SUGCT: variants seen among roughly 807,000 people sequenced by gnomAD.
SUGCT encodes succinyl-CoA:glutarate-CoA transferase.
SUGCT carries 41 observed loss-of-function variants against 55.0 expected under a neutral mutation model. The observed-to-expected ratio is 0.74, with a 90% CI of 0.58 to 0.97. SUGCT has a LOEUF of 0.97. Among genes scored for constraint, SUGCT ranks in the 50% least tolerant of loss-of-function variants. The pLI is 0.00. For synonymous variants in SUGCT, 187 were observed against 200.4 expected (o/e 0.93, Z 0.56); for missense variants, 568 against 547.8 (o/e 1.04, Z -0.37).
chr7:40,781,701 G>A (rs1209471683), intron 13 of SUGCT, among the ~76,000 whole-genome samples: 1 of 152,084 alleles, frequency 6.6e-6, no homozygotes, highest in African/African-American at 2.4e-5. Flanking sequence ...GGGGTAACAT[G>A]GGCTAAGTGA....
chr7:40,975,623 C>T, the SUGCT span, among the ~76,000 whole-genome samples: 1 of 152,182 alleles, frequency 6.6e-6, no homozygotes, highest in Non-Finnish European at 1.5e-5. Context: ...CCAGGCATAA[C>T]ATCTGCTTCC....
the SUGCT span, among the ~76,000 whole-genome samples, chr7:41,025,933 T>G: frequency 6.6e-6 from 1 of 152,132 alleles, no homozygotes; most frequent in Non-Finnish European, 1.5e-5. Context: ...ATGTTAACAT[T>G]TGTAAGTCCC....
intron 6 of SUGCT, among the ~76,000 whole-genome samples, chr7:40,213,997 G>T (rs894071850): frequency 6.6e-5 from 10 of 152,064 alleles, no homozygotes; most frequent in Non-Finnish European, 1.3e-4. Context: ...GCCTTGCAAG[G>T]TAGATAGATA....
intron 11 of SUGCT, among the ~76,000 whole-genome samples, chr7:40,471,269 A>G (rs1220644946): frequency 6.6e-6 from 1 of 152,078 alleles, no homozygotes. Context: ...CTGAATGCAC[A>G]CTAACAAGCA....
the SUGCT span, among the ~76,000 whole-genome samples, chr7:40,897,426 G>GACACACAC: frequency 0.013 from 1,946 of 148,866 alleles, 25 homozygotes; most frequent in Admixed American, 0.032. Flanking sequence ...AATAAAGCTG[G>GACACACAC]ACACACACAC....
chr7:40,864,759 C>G (rs1563057199), downstream of SUGCT, among the ~76,000 whole-genome samples: 2 of 151,866 alleles, frequency 1.3e-5, no homozygotes, highest in African/African-American at 2.4e-5. Flanking sequence ...AGCTGCAGAT[C>G]CAAGGACACA....
intron 12 of SUGCT, among the ~76,000 whole-genome samples, chr7:40,562,096 G>A (rs1169006330): frequency 6.7e-6 from 1 of 149,662 alleles, no homozygotes; most frequent in Non-Finnish European, 1.5e-5. Context: ...TCAGGAGATC[G>A]AGACCATCCT....
intron 9 of SUGCT, among the ~76,000 whole-genome samples, chr7:40,404,732 C>A (rs775166758): frequency 3.3e-5 from 5 of 152,168 alleles, no homozygotes; most frequent in Non-Finnish European, 7.4e-5. Flanking sequence ...CCACCATGCT[C>A]AGACTCCACT....
intron 9 of SUGCT, among the ~76,000 whole-genome samples, chr7:40,430,653 A>G (rs1224430076): frequency 6.6e-6 from 1 of 152,154 alleles, no homozygotes; most frequent in Non-Finnish European, 1.5e-5. Context: ...GCTATGCAGA[A>G]TCTTTTAAGT....
chr7:40,153,952 C>A, intron 1 of SUGCT: 1 of 335,922 alleles, frequency 3.0e-6, no homozygotes, highest in South Asian at 3.2e-5. Context: ...CGTCTGTGTA[C>A]ACCTACAACA....
chr7:40,401,631 C>G (rs1786073786), intron 9 of SUGCT, among the ~76,000 whole-genome samples: 3 of 152,178 alleles, frequency 2.0e-5, no homozygotes, highest in African/African-American at 7.2e-5. Context: ...TTCATTTAAT[C>G]TGAAGAGTGA....
At chr7:40,245,402 G>GAC (rs1413299984) in intron 7 of SUGCT, among the ~76,000 whole-genome samples, 1 of 62,816 alleles carries the variant, frequency 1.6e-5, no homozygotes, top group African/African-American at 7.7e-5. Context: ...GTACGTAGTA[G>GAC]ACATATATAT....
the SUGCT span, among the ~76,000 whole-genome samples, chr7:40,897,210 A>G: frequency 3.8e-4 from 58 of 152,314 alleles, no homozygotes; most frequent in African/African-American, 1.2e-3. Flanking sequence ...ATCAACTCAA[A>G]ATGAATTAAA....
chr7:40,583,474 T>A (rs1176501888), intron 12 of SUGCT, among the ~76,000 whole-genome samples: 1 of 152,188 alleles, frequency 6.6e-6, no homozygotes, highest in Non-Finnish European at 1.5e-5. Context: ...AGTTTAAATA[T>A]GTCTTCCCTG....
intron 9 of SUGCT, among the ~76,000 whole-genome samples, chr7:40,403,627 C>CTTG (rs759327387): frequency 2.0e-4 from 31 of 152,246 alleles, no homozygotes; most frequent in Non-Finnish European, 3.4e-4. Flanking sequence ...ATAACCCAAA[C>CTTG]CTGTCAATGT....
intron 4 of SUGCT, 37 bp from the exon 5 acceptor site, chr7:40,189,507 C>G: frequency 2.6e-6 from 2 of 762,360 alleles, no homozygotes; most frequent in Non-Finnish European, 3.5e-6. Context: ...TTTTGGTCAT[C>G]GAAATAATAT....
chr7:40,864,018 G>A (rs1176074765), downstream of SUGCT, among the ~76,000 whole-genome samples: 1 of 152,114 alleles, frequency 6.6e-6, no homozygotes, highest in African/African-American at 2.4e-5. Flanking sequence ...AGTTTTCTCA[G>A]GCATGAAGTA....
At chr7:40,992,419 C>T in the SUGCT span, among the ~76,000 whole-genome samples, 13 of 152,134 alleles carry the variant, frequency 8.5e-5, no homozygotes, top group Non-Finnish European at 1.6e-4. Context: ...AAGGTCTTTA[C>T]GACCTGTATT....
chr7:40,828,830 C>A (rs1792499924), intron 13 of SUGCT, among the ~76,000 whole-genome samples: 1 of 152,096 alleles, frequency 6.6e-6, no homozygotes, highest in Non-Finnish European at 1.5e-5. Context: ...ACACACCAGG[C>A]ACTGTTCTCA....
Sources: gnomAD v4.1 joint callset for allele counts (sites outside exome capture counted in the v4.1 genomes callset) on GRCh38, gnomAD v4.1.1 for gene constraint, MANE v1.5 for transcripts, NCBI Gene and HGNC (gene_info 2026-07-23, HGNC 2026-07-21) for gene names.